The following MIAT variants were observed in gnomAD, a reference collection of about 807,000 sequenced individuals.
The protein encoded by MIAT is MI related novel mRNA.
chr22:26,652,605 C>T (rs576393952), intron 2 of MIAT, among the ~76,000 whole-genome samples: 1 of 152,144 alleles, frequency 6.6e-6, no homozygotes, highest in African/African-American at 2.4e-5. Flanking sequence ...ATCTGCCCCC[C>T]TCGGCCTCCC....
downstream of MIAT, chr22:26,673,505 A>C (rs1291272849): frequency 2.5e-6 from 1 of 398,530 alleles, no homozygotes; most frequent in Non-Finnish European, 4.4e-6. Flanking sequence ...CTTCACCTTG[A>C]CTAACTCCTG....
exon 5 of MIAT, chr22:26,675,296 T>A: frequency 2.5e-6 from 1 of 398,710 alleles, no homozygotes; most frequent in Non-Finnish European, 4.4e-6. Flanking sequence ...TTCTGGAAGG[T>A]TCATGTGGAA....
intron 5 of MIAT, chr22:26,667,601 G>C (rs911941913): frequency 1.1e-5 from 3 of 282,610 alleles, no homozygotes; most frequent in Non-Finnish European, 1.9e-5. Context: ...TCCCTTTACT[G>C]CTTTTCCTCT....
chr22:26,671,829 C>CT, downstream of MIAT: 1 of 395,560 alleles, frequency 2.5e-6, no homozygotes, highest in South Asian at 1.3e-4. Flanking sequence ...TGGCAGACAC[C>CT]TAAAAAAAAA....
exon 5 of MIAT, chr22:26,675,955 C>T (rs1459530581): frequency 1.3e-5 from 5 of 398,506 alleles, no homozygotes. Context: ...AGTGTGTGTG[C>T]ATCTTGACAA....
At chr22:26,649,111 T>C (rs1388983436) in intron 2 of MIAT, among the ~76,000 whole-genome samples, 1 of 152,172 alleles carries the variant, frequency 6.6e-6, no homozygotes, top group Non-Finnish European at 1.5e-5. Flanking sequence ...TACTGAGCAA[T>C]GTGACAGGGC....
At chr22:26,671,758 C>T (rs918942226), downstream of MIAT, 1 of 398,234 alleles carries the variant, frequency 2.5e-6, no homozygotes, top group Non-Finnish European at 4.4e-6. Context: ...TGGTAGAATG[C>T]GAGTTCTGAT....
At chr22:26,664,060 G>A (rs1221722792) in intron 3 of MIAT, among the ~76,000 whole-genome samples, 3 of 143,818 alleles carry the variant, frequency 2.1e-5, no homozygotes, top group Non-Finnish European at 4.5e-5. Context: ...TGTTTGGGCT[G>A]CAGTGCAGTG....
downstream of MIAT, chr22:26,674,483 G>T: frequency 2.5e-6 from 1 of 398,814 alleles, no homozygotes; most frequent in Non-Finnish European, 4.4e-6. Flanking sequence ...TCAAAGGCTG[G>T]CTTACAGACC....
At chr22:26,669,738 G>A, downstream of MIAT, 1 of 399,160 alleles carries the variant, frequency 2.5e-6, no homozygotes, top group Non-Finnish European at 4.4e-6. Context: ...AGAGGTATGG[G>A]AAGCAGACAC....
At chr22:26,655,711 G>C (rs775905645) in intron 2 of MIAT, among the ~76,000 whole-genome samples, 6 of 152,220 alleles carry the variant, frequency 3.9e-5, no homozygotes, top group Non-Finnish European at 5.9e-5. Flanking sequence ...GAATGTTCTA[G>C]CACAGTGGTT....
At chr22:26,654,198 G>A (rs1930384764) in intron 2 of MIAT, among the ~76,000 whole-genome samples, 1 of 152,154 alleles carries the variant, frequency 6.6e-6, no homozygotes, top group Non-Finnish European at 1.5e-5. Flanking sequence ...TATCTCTGGT[G>A]TCTGGCTTTC....
intron 2 of MIAT, among the ~76,000 whole-genome samples, chr22:26,647,693 G>A (rs1306221928): frequency 7.9e-5 from 12 of 152,140 alleles, no homozygotes; most frequent in Admixed American, 7.9e-4. Context: ...GAGGGGCTGC[G>A]AGCAGGGGAG....
Position 26,660,738 on chromosome 22 carries a change from A to C in MIAT, n.647-2578A>C, listed in dbSNP as rs950642724. Reference sequence around the variant, plus strand: ...TGTGATCCATGCTTCTTCCCAGGGCAGGATTACACTCTTTGAATTTACTTA... The same window carrying C: ...TGTGATCCATGCTTCTTCCCAGGGCCGGATTACACTCTTTGAATTTACTTA... On this transcript the variant is annotated intron_variant and non_coding_transcript_variant, in intron 2 of 5. Coordinates refer to ENST00000643270, the Ensembl canonical transcript of MIAT. 8 of 152,176 alleles carry C rather than the reference A, an allele frequency of 5.3e-5. No individual in the cohort carries two copies. In the East Asian group the frequency reaches 1.5e-3, roughly 29 times the overall value. 9.4% of individuals were successfully genotyped at this position (152,176 alleles called of 1,614,324 possible).
intron 2 of MIAT, among the ~76,000 whole-genome samples, chr22:26,652,250 G>A (rs566601245): frequency 9.9e-5 from 15 of 152,282 alleles, no homozygotes; most frequent in Non-Finnish European, 1.5e-5. Flanking sequence ...GGACTCAAGC[G>A]ATCTTCCCAC....
In MIAT at chr22:26,661,917, CATATATATATATATATATATATATAT is replaced by C. The variant is rs58654108; in HGVS notation, n.647-1379_647-1354del. Among the ~76,000 whole-genome samples the C allele has an allele frequency of 7.5e-3, 602 of 80,602 alleles. 54 individuals carry two copies. The highest frequency in any genetic ancestry group is 0.074 in the East Asian group (231 of 3,106). 52.9% of individuals were successfully genotyped at this position (80,602 alleles called of 152,430 possible). Reference sequence around the variant, plus strand: ...ATATATATATGGATCTATATAGATCCATATATATATATATATATATATATATATATATATATATATATATACACACA... The same window carrying C: ...ATATATATATGGATCTATATAGATCCATATATATATATATATATACACACA... On this transcript the variant is annotated intron_variant and non_coding_transcript_variant, in intron 2 of 5. Coordinates refer to ENST00000643270, the Ensembl canonical transcript of MIAT.
downstream of MIAT, chr22:26,670,022 C>T (rs934444206): frequency 1.5e-5 from 6 of 398,248 alleles, no homozygotes; most frequent in East Asian, 1.8e-4. Flanking sequence ...CAAATGCTCC[C>T]ATCCATCTGG....
exon 5 of MIAT, chr22:26,676,308 A>G (rs1931262701): frequency 2.5e-6 from 1 of 398,386 alleles, no homozygotes; most frequent in African/African-American, 2.1e-5. Flanking sequence ...CCATGTCATT[A>G]CCCCCAGGGG....
At chr22:26,672,722 A>C (rs562407888), downstream of MIAT, 1 of 399,060 alleles carries the variant, frequency 2.5e-6, no homozygotes, top group South Asian at 1.3e-4. Flanking sequence ...AAATTAGCAG[A>C]GGGGCGTGTC....
Sources: allele counts gnomAD v4.1 joint callset (sites outside exome capture counted in the v4.1 genomes callset), GRCh38; gene constraint gnomAD v4.1.1; transcripts MANE v1.5; gene names NCBI Gene and HGNC (gene_info 2026-07-23, HGNC 2026-07-21).